Variants in CELF2 observed in about 807,000 individuals in gnomAD.
CELF2 encodes CUGBP Elav-like family member 2.
In CELF2, 8 loss-of-function variants were observed where a neutral mutation model predicts 62.6. The observed-to-expected ratio is 0.13, with a 90% confidence interval of 0.07 to 0.23. CELF2 has a LOEUF of 0.23. CELF2 is among the 10% of genes least tolerant of loss of function. The pLI, the probability that CELF2 is intolerant of heterozygous loss-of-function variation, is 1.00. For synonymous variants in CELF2, 258 were observed against 250.0 expected (o/e 1.03, Z -0.30); for missense variants, 333 against 671.0 (o/e 0.50, Z 5.56).
At chr10:10,745,261 C>T in the CELF2 span, among the ~76,000 whole-genome samples, 1 of 152,092 alleles carries the variant, frequency 6.6e-6, no homozygotes, top group African/African-American at 2.4e-5. Context: ...GGTCAGACCT[C>T]GTGCAAAATA....
intron 1 of CELF2, among the ~76,000 whole-genome samples, chr10:10,885,611 T>C (rs2061700549): frequency 6.6e-6 from 1 of 152,082 alleles, no homozygotes; most frequent in Non-Finnish European, 1.5e-5. Context: ...AATGGAAATA[T>C]TATGTAATAC....
At chr10:11,067,229 A>G (rs2068416694) in intron 1 of CELF2, among the ~76,000 whole-genome samples, 1 of 152,242 alleles carries the variant, frequency 6.6e-6, no homozygotes, top group Non-Finnish European at 1.5e-5. Flanking sequence ...TTGTAAGAGT[A>G]CGTAAATGTG....
intron 1 of CELF2, among the ~76,000 whole-genome samples, chr10:11,061,832 A>C (rs1048749492): frequency 2.6e-5 from 4 of 152,242 alleles, no homozygotes; most frequent in African/African-American, 9.6e-5. Flanking sequence ...GTTTTAATTG[A>C]GGCAGAGTCT....
intron 2 of CELF2, among the ~76,000 whole-genome samples, chr10:11,192,459 G>A (rs145855680): frequency 6.6e-5 from 10 of 152,342 alleles, no homozygotes; most frequent in African/African-American, 1.9e-4. Context: ...TGGACTGACC[G>A]ATAGAGGGGA....
chr10:10,627,601 G>A, the CELF2 span, among the ~76,000 whole-genome samples: 1 of 152,188 alleles, frequency 6.6e-6, no homozygotes, highest in Non-Finnish European at 1.5e-5. Context: ...GGCAGTTGAT[G>A]ATCTTAGGGG....
At chr10:10,569,662 A>G in the CELF2 span, among the ~76,000 whole-genome samples, 22 of 152,328 alleles carry the variant, frequency 1.4e-4, no homozygotes, top group Middle Eastern at 3.4e-3. Context: ...GAGGAATTCA[A>G]TGCAAAGAAT....
At chr10:11,281,279 C>A (rs912371670) in intron 8 of CELF2, among the ~76,000 whole-genome samples, 1 of 152,094 alleles carries the variant, frequency 6.6e-6, no homozygotes, top group Non-Finnish European at 1.5e-5. Context: ...TTTGTGGAGA[C>A]CCTGAACCCT....
intron 3 of CELF2, among the ~76,000 whole-genome samples, chr10:11,245,149 G>T (rs2075229912): frequency 6.6e-6 from 1 of 152,206 alleles, no homozygotes; most frequent in Admixed American, 6.5e-5. Flanking sequence ...TACAGGGAAA[G>T]AATTCTTTTT....
At chr10:10,703,737 A>T in the CELF2 span, among the ~76,000 whole-genome samples, 1 of 152,232 alleles carries the variant, frequency 6.6e-6, no homozygotes, top group Non-Finnish European at 1.5e-5. Flanking sequence ...GGTACATTAC[A>T]TTCTGAATCC....
At chr10:10,968,439 A>G (rs1362348370) in intron 2 of CELF2, among the ~76,000 whole-genome samples, 3 of 152,176 alleles carry the variant, frequency 2.0e-5, no homozygotes, top group African/African-American at 7.2e-5. Flanking sequence ...TTATGTAAAT[A>G]ATTTGCTTTC....
At chr10:11,016,255 T>C (rs560384579), upstream of CELF2, among the ~76,000 whole-genome samples, 1 of 152,256 alleles carries the variant, frequency 6.6e-6, no homozygotes, top group African/African-American at 2.4e-5. The surrounding 1 kb of genome is among the most constrained non-coding windows in gnomAD (Gnocchi z 5.2). Flanking sequence ...GGGGACAAGT[T>C]TGGCCCTTTG....
chr10:11,171,416 T>C (rs2068823217), intron 2 of CELF2: 1 of 152,512 alleles, frequency 6.6e-6, no homozygotes, highest in South Asian at 2.1e-4. Flanking sequence ...AAGGCTTTAC[T>C]TCAGCCTTCA....
chr10:10,774,269 A>G, the CELF2 span, among the ~76,000 whole-genome samples: 7 of 152,338 alleles, frequency 4.6e-5, no homozygotes, highest in South Asian at 1.2e-3. Flanking sequence ...CACGGTACAC[A>G]TAGACAAATT....
the CELF2 span, among the ~76,000 whole-genome samples, chr10:10,633,379 G>A: frequency 6.6e-6 from 1 of 152,012 alleles, no homozygotes; most frequent in African/African-American, 2.4e-5. Flanking sequence ...CTAGTCTCTG[G>A]GAGTAATATC....
At chr10:10,723,459 T>A in the CELF2 span, among the ~76,000 whole-genome samples, 1 of 152,242 alleles carries the variant, frequency 6.6e-6, no homozygotes, top group African/African-American at 2.4e-5. Flanking sequence ...TGCAAATGTA[T>A]CTTCAATTCT....
the CELF2 span, among the ~76,000 whole-genome samples, chr10:10,471,604 G>T: frequency 1.3e-5 from 2 of 151,170 alleles, no homozygotes; most frequent in Non-Finnish European, 3.0e-5. Flanking sequence ...TTACTTTCTG[G>T]CTTTTGAGCT....
At chr10:10,788,235 G>C in the CELF2 span, among the ~76,000 whole-genome samples, 1 of 152,052 alleles carries the variant, frequency 6.6e-6, no homozygotes, top group Admixed American at 6.6e-5. Context: ...TAGAAGGTCA[G>C]AGGCAAACTT....
the CELF2 span, among the ~76,000 whole-genome samples, chr10:10,783,280 G>A: frequency 6.6e-6 from 1 of 152,220 alleles, no homozygotes; most frequent in East Asian, 1.9e-4. Flanking sequence ...CCCTAATCCG[G>A]TATGACTGTG....
At chr10:10,712,766 T>A in the CELF2 span, among the ~76,000 whole-genome samples, 3 of 152,312 alleles carry the variant, frequency 2.0e-5, no homozygotes, top group East Asian at 3.9e-4. Context: ...TGAGTCATCC[T>A]TTCTTTGCTT....
Sources: allele counts gnomAD v4.1 joint callset (sites outside exome capture counted in the v4.1 genomes callset), GRCh38; gene constraint gnomAD v4.1.1; non-coding constraint Gnocchi (gnomAD v3.1); transcripts MANE v1.5; gene names NCBI Gene and HGNC (gene_info 2026-07-23, HGNC 2026-07-21).